TBC1D12: variants seen among roughly 807,000 people sequenced by gnomAD.
TBC1D12 encodes the protein TBC1 domain family, member 12.
A neutral mutation model predicts 86.7 loss-of-function variants in TBC1D12; 56 were observed. The observed-to-expected ratio is 0.65, with a 90% confidence interval of 0.52 to 0.81. TBC1D12 has a LOEUF of 0.81. TBC1D12 is among the 30% of genes least tolerant of loss of function. TBC1D12 has a pLI of 0.00. For synonymous variants in TBC1D12, 421 were observed against 411.7 expected (o/e 1.02, Z -0.27); for missense variants, 1,023 against 1,038.8 (o/e 0.98, Z 0.21).
chr10:94,449,936 C>T (rs977322484), intron 2 of TBC1D12, among the ~76,000 whole-genome samples: 1 of 152,152 alleles, frequency 6.6e-6, no homozygotes, highest in African/African-American at 2.4e-5. Context: ...TTTGGTAAAT[C>T]GCTTTCGCTA....
chr10:94,437,196 G>A (rs2055312446), intron 1 of TBC1D12, among the ~76,000 whole-genome samples: 1 of 151,892 alleles, frequency 6.6e-6, no homozygotes, highest in Non-Finnish European at 1.5e-5. Flanking sequence ...TTTCAAAATT[G>A]TCTTTGAGTT....
intron 4 of TBC1D12, among the ~76,000 whole-genome samples, chr10:94,495,406 C>A (rs1468015825): frequency 6.6e-6 from 1 of 152,132 alleles, no homozygotes; most frequent in East Asian, 1.9e-4. Flanking sequence ...TGGCCTCAAG[C>A]AATTCTCCCA....
intron 1 of TBC1D12, among the ~76,000 whole-genome samples, chr10:94,424,834 T>C (rs1017327138): frequency 6.6e-6 from 1 of 152,052 alleles, no homozygotes; most frequent in Admixed American, 6.6e-5. Flanking sequence ...AATTAATGGG[T>C]TTAAAGTAAA....
At chr10:94,432,148 C>G (rs2055226074) in intron 1 of TBC1D12, among the ~76,000 whole-genome samples, 2 of 152,022 alleles carry the variant, frequency 1.3e-5, no homozygotes, top group Non-Finnish European at 2.9e-5. Flanking sequence ...GTGTGTGTGT[C>G]TGTCTGTCGG....
chr10:94,419,970 G>C (rs77743702), intron 1 of TBC1D12, among the ~76,000 whole-genome samples: 4,078 of 152,250 alleles, frequency 0.027, 181 homozygotes, highest in African/African-American at 0.09. Context: ...CTGATAACTA[G>C]AAGTTCAGTT....
rs115820424 is a variant in TBC1D12 at position 94,503,476 on chromosome 10, A to G, written c.1519+3149A>G. Among the ~76,000 whole-genome samples the G allele has an allele frequency of 3.0e-3, 455 of 152,346 alleles. 3 individuals are homozygous for G. The highest frequency in any genetic ancestry group is 0.01 in the African/African-American group (427 of 41,590). On this transcript the variant is annotated intron_variant, in intron 6 of 12. Coordinates refer to ENST00000225235, the MANE Select transcript of TBC1D12 (RefSeq NM_015188.2). The stretch of plus-strand genomic sequence containing the variant: ...TTCATTGCAGCAATCAGCATTATAT[A>G]TAATTGGACAGAATTATAACAAAAA...
At chr10:94,407,405 G>C (rs1054507650) in intron 1 of TBC1D12, among the ~76,000 whole-genome samples, 4 of 152,168 alleles carry the variant, frequency 2.6e-5, no homozygotes, top group Non-Finnish European at 5.9e-5. Flanking sequence ...AATGCAGCTG[G>C]GCGCAGTGGC....
At chr10:94,508,037 A>G (rs953796388) in intron 7 of TBC1D12, among the ~76,000 whole-genome samples, 5 of 152,200 alleles carry the variant, frequency 3.3e-5, no homozygotes, top group African/African-American at 9.6e-5. Flanking sequence ...ATTGAATGTA[A>G]TGAAGAGTTC....
intron 1 of TBC1D12, among the ~76,000 whole-genome samples, chr10:94,417,948 G>C (rs1461088738): frequency 1.3e-5 from 2 of 151,836 alleles, no homozygotes; most frequent in Non-Finnish European, 2.9e-5. Context: ...TAGAGGTGGG[G>C]TTTCACCGTG....
At chr10:94,428,821 C>T (rs545526417) in intron 1 of TBC1D12, among the ~76,000 whole-genome samples, 16 of 151,484 alleles carry the variant, frequency 1.1e-4, no homozygotes, top group East Asian at 3.9e-4. Flanking sequence ...GTGATCCTCC[C>T]GCTTCAGCCT....
At chr10:94,486,136 C>CTTTTTTTTTTTTTTTTTT (rs760373766) in intron 3 of TBC1D12, among the ~76,000 whole-genome samples, 39 of 120,868 alleles carry the variant, frequency 3.2e-4, no homozygotes, top group East Asian at 1.4e-3. Context: ...TCTTCTTCTT[C>CTTTTTTTTTTTTTTTTTT]TTCTTTTTTT....
At chr10:94,424,809 CT>C (rs565992050) in intron 1 of TBC1D12, among the ~76,000 whole-genome samples, 117 of 152,254 alleles carry the variant, frequency 7.7e-4, no homozygotes, top group African/African-American at 2.6e-3. Flanking sequence ...AGCAGATTTC[CT>C]GTGGGGGAAT....
intron 3 of TBC1D12, among the ~76,000 whole-genome samples, chr10:94,480,636 A>T (rs996664332): frequency 3.3e-5 from 5 of 151,766 alleles, no homozygotes; most frequent in South Asian, 4.2e-4. Context: ...TTCCCAGTTC[A>T]GTGACTGCAG....
intron 1 of TBC1D12, among the ~76,000 whole-genome samples, chr10:94,419,253 A>G (rs2055043391): frequency 6.6e-6 from 1 of 152,224 alleles, no homozygotes; most frequent in Admixed American, 6.5e-5. Flanking sequence ...TAAATGTGTT[A>G]CATATACGGG....
intron 1 of TBC1D12, among the ~76,000 whole-genome samples, chr10:94,422,070 GT>G (rs1382928987): frequency 1.3e-5 from 2 of 151,440 alleles, no homozygotes; most frequent in Non-Finnish European, 2.9e-5. Context: ...AACCAGTTTA[GT>G]TTGTATTTTA....
Position 94,531,166 on chromosome 10 carries a change from A to G in TBC1D12, c.2001-36A>G, listed in dbSNP as rs1842409123. 3 of 1,588,992 alleles carry G rather than the reference A, an allele frequency of 1.9e-6. No individual in the cohort carries two copies. In the African/African-American group the frequency reaches 4.0e-5, roughly 21 times the overall value. On this transcript the variant is annotated intron_variant, in intron 11 of 12. Transcript: ENST00000225235. Reference sequence around the variant, plus strand: ...TACTGAGTAAATGAGTCAATGAATGAAAAATTTCAGTGACCATTTTTCCCT... The same window carrying G: ...TACTGAGTAAATGAGTCAATGAATGGAAAATTTCAGTGACCATTTTTCCCT...
In TBC1D12 at chr10:94,434,162, A is replaced by G. The variant is rs143700639; in HGVS notation, c.972-7734A>G. 3.8e-3 allele frequency among the ~76,000 whole-genome samples: 583 copies of G among 152,330 alleles called. 1 individual carries two copies. The highest frequency in any genetic ancestry group is 6.7e-3 in the Non-Finnish European group (455 of 68,034). On this transcript the variant is annotated intron_variant, in intron 1 of 12. Coordinates refer to ENST00000225235, the MANE Select transcript of TBC1D12 (RefSeq NM_015188.2). ...GCTTTGTGGCAGAAGATGATGCCCA[A>G]TGCAGTGTAGGCAGAGGATAAATTG...
intron 2 of TBC1D12, among the ~76,000 whole-genome samples, chr10:94,459,552 C>T (rs1385221472): frequency 6.6e-6 from 1 of 152,206 alleles, no homozygotes; most frequent in Admixed American, 6.5e-5. Flanking sequence ...GGCGGCGGTG[C>T]CCGTCGGGGA....
chr10:94,495,803 A>G (rs2056311415), intron 4 of TBC1D12, among the ~76,000 whole-genome samples: 1 of 152,154 alleles, frequency 6.6e-6, no homozygotes, highest in Admixed American at 6.6e-5. Flanking sequence ...AAAACAAATA[A>G]AAGAAAGTAG....
Sources: gnomAD v4.1 joint callset for allele counts (sites outside exome capture counted in the v4.1 genomes callset) on GRCh38, gnomAD v4.1.1 for gene constraint, MANE v1.5 for transcripts, NCBI Gene and HGNC (gene_info 2026-07-23, HGNC 2026-07-21) for gene names.